RPS29: variants seen among roughly 807,000 people sequenced by gnomAD.
RPS29 encodes ribosomal protein S29.
For synonymous variants in RPS29, 37 were observed against 26.9 expected (o/e 1.37, Z -1.16); for missense variants, 60 against 75.7 (o/e 0.79, Z 0.77).
At chr14:49,591,923 A>G (rs148433704) in intron 1 of RPS29, among the ~76,000 whole-genome samples, 1,619 of 152,046 alleles carry the variant, frequency 0.011, 40 homozygotes, top group African/African-American at 0.036. Flanking sequence ...CCCGGCCCCA[A>G]TTTGATTTTT....
At chr14:49,594,369 A>G (rs1322358452) in intron 1 of RPS29, among the ~76,000 whole-genome samples, 1 of 152,238 alleles carries the variant, frequency 6.6e-6, no homozygotes, top group African/African-American at 2.4e-5. Flanking sequence ...CTAAGTGTTA[A>G]ATGAATGAAT....
chr14:49,577,563 G>A, exon 3 of RPS29: 1 of 631,748 alleles, frequency 1.6e-6, no homozygotes, highest in Non-Finnish European at 2.8e-6. Flanking sequence ...TAACGTTGTG[G>A]ACCAGGAACT....
chr14:49,592,024 G>A (rs1425638613), intron 1 of RPS29, among the ~76,000 whole-genome samples: 1 of 151,990 alleles, frequency 6.6e-6, no homozygotes, highest in African/African-American at 2.4e-5. Context: ...TCTTTATCTG[G>A]GAACTTTTTT....
downstream of RPS29, among the ~76,000 whole-genome samples, chr14:49,580,682 G>A (rs906154056): frequency 3.3e-5 from 5 of 151,774 alleles, no homozygotes; most frequent in Admixed American, 2.6e-4. Flanking sequence ...AAGCAGCCTG[G>A]CCAACATGGT....
intron 2 of RPS29, among the ~76,000 whole-genome samples, chr14:49,584,766 CA>C (rs201451612): frequency 7.0e-5 from 9 of 128,464 alleles, no homozygotes; most frequent in African/African-American, 2.0e-4. Flanking sequence ...AATTTCAAAA[CA>C]AAAAAAAAAA....
downstream of RPS29, among the ~76,000 whole-genome samples, chr14:49,578,743 C>G (rs750647362): frequency 3.3e-5 from 5 of 151,736 alleles, no homozygotes; most frequent in Non-Finnish European, 7.4e-5. Context: ...GTATTTTTAA[C>G]AGAGACAGGG....
chr14:49,598,457 AG>A (rs1881889065), exon 1 of RPS29: 1 of 702,354 alleles, frequency 1.4e-6, no homozygotes, highest in South Asian at 1.5e-5. Context: ...AGCCATATAA[AG>A]CCCCCCTTCG....
intron 2 of RPS29, chr14:49,585,639 A>C: frequency 2.3e-6 from 1 of 440,898 alleles, no homozygotes; most frequent in Non-Finnish European, 4.0e-6. Flanking sequence ...AACAAATGTA[A>C]AACAATTTTA....
chr14:49,579,196 C>G (rs1881270182), downstream of RPS29, among the ~76,000 whole-genome samples: 1 of 152,178 alleles, frequency 6.6e-6, no homozygotes, highest in African/African-American at 2.4e-5. Flanking sequence ...CAAGAAAGCT[C>G]ATTTGCCCTA....
At chr14:49,585,081 T>C (rs181908183) in intron 2 of RPS29, among the ~76,000 whole-genome samples, 1 of 151,638 alleles carries the variant, frequency 6.6e-6, no homozygotes, top group Admixed American at 6.6e-5. Context: ...TTCAAACATT[T>C]TGGGTTGGCC....
At chr14:49,583,573 G>A, downstream of RPS29, 1 of 1,389,858 alleles carries the variant, frequency 7.2e-7, no homozygotes, top group South Asian at 1.3e-5. Context: ...CTCATAAACT[G>A]AAGGGTTTTT....
upstream of RPS29, among the ~76,000 whole-genome samples, chr14:49,587,911 A>G (rs1228358777): frequency 6.6e-6 from 1 of 152,258 alleles, no homozygotes; most frequent in Non-Finnish European, 1.5e-5. Context: ...AGCCAAGGTA[A>G]GGTGAACAAC....
At chr14:49,582,006 G>T (rs1326130602), downstream of RPS29, among the ~76,000 whole-genome samples, 1 of 70,202 alleles carries the variant, frequency 1.4e-5, no homozygotes, top group African/African-American at 5.8e-5. Flanking sequence ...GCAAGACCCT[G>T]CCCCCCAAAA....
exon 3 of RPS29, chr14:49,576,967 T>C (rs1881199566): frequency 6.6e-6 from 1 of 152,138 alleles, no homozygotes; most frequent in Non-Finnish European, 1.5e-5. Flanking sequence ...AGTGTGAAAA[T>C]GAACTAATAC....
At chr14:49,573,774 C>T (rs1488666477) in exon 3 of RPS29, 2 of 152,116 alleles carry the variant, frequency 1.3e-5, no homozygotes, top group Admixed American at 1.3e-4. Flanking sequence ...CTGAATATGT[C>T]ATCTGTGCTA....
chr14:49,586,567 C>G (rs572960862), upstream of RPS29: 7 of 567,668 alleles, frequency 1.2e-5, no homozygotes, highest in South Asian at 4.1e-5. Flanking sequence ...CTATTCTGCG[C>G]CGGTATCCGA....
At chr14:49,586,764 C>T (rs1003602574), upstream of RPS29, 2 of 233,346 alleles carry the variant, frequency 8.6e-6, no homozygotes, top group Non-Finnish European at 8.9e-6. Flanking sequence ...GAGGGGTGAA[C>T]CGGCCCAGGT....
chr14:49,589,443 T>G (rs1881666782), upstream of RPS29, among the ~76,000 whole-genome samples: 10 of 152,366 alleles, frequency 6.6e-5, no homozygotes, highest in South Asian at 1.9e-3. Flanking sequence ...TTTAAGTACA[T>G]TGGAATAATA....
intron 1 of RPS29, among the ~76,000 whole-genome samples, chr14:49,593,471 A>C (rs758885705): frequency 1.3e-5 from 2 of 152,140 alleles, no homozygotes; most frequent in Non-Finnish European, 2.9e-5. Context: ...TGGGAGGCCA[A>C]GGTAGGTGGA....
Sources: gnomAD v4.1 joint callset for allele counts (sites outside exome capture counted in the v4.1 genomes callset) on GRCh38, gnomAD v4.1.1 for gene constraint, MANE v1.5 for transcripts, NCBI Gene and HGNC (gene_info 2026-07-23, HGNC 2026-07-21) for gene names.